Variants in CCDC141 observed in about 807,000 individuals in gnomAD.
CCDC141 encodes the protein coiled-coil domain-containing protein 141.
CCDC141 carries 168 observed loss-of-function variants against 181.0 expected under a neutral mutation model. That is an observed-to-expected ratio of 0.93 (90% confidence interval 0.82 to 1.05). The LOEUF is 1.05. Among genes scored for constraint, CCDC141 ranks in the 50% least tolerant of loss-of-function variants. CCDC141 has a pLI of 0.00. For missense variants in CCDC141, 1,902 were observed against 1,788.5 expected (o/e 1.06, Z -1.14); for synonymous variants, 666 against 642.3 (o/e 1.04, Z -0.56).
chr2:178,928,762 T>C (rs10204089), intron 6 of CCDC141, among the ~76,000 whole-genome samples: 106,887 of 152,022 alleles, frequency 0.7, 38,031 homozygotes, highest in East Asian at 0.93. Context: ...AAAAACATTT[T>C]GGAGGGACTT....
chr2:178,853,731 A>T, intron 19 of CCDC141, 107 bp from the exon 20 acceptor site: 1 of 895,152 alleles, frequency 1.1e-6, no homozygotes, highest in Non-Finnish European at 1.7e-6. Flanking sequence ...CTTAATGTTC[A>T]CATTGGCTTG....
intron 2 of CCDC141, among the ~76,000 whole-genome samples, chr2:178,998,617 T>C (rs1692392852): frequency 6.6e-6 from 1 of 152,106 alleles, no homozygotes; most frequent in African/African-American, 2.4e-5. Context: ...TTTATTTAAT[T>C]ATCTCTTCAT....
At chr2:178,982,716 G>C (rs1020509595) in intron 2 of CCDC141, among the ~76,000 whole-genome samples, 5 of 152,188 alleles carry the variant, frequency 3.3e-5, no homozygotes, top group Non-Finnish European at 7.3e-5. Flanking sequence ...ACGGCACCTG[G>C]AGAATCGGGT....
At chr2:179,007,985 C>A (rs2042161845) in intron 2 of CCDC141, among the ~76,000 whole-genome samples, 1 of 152,138 alleles carries the variant, frequency 6.6e-6, no homozygotes, top group Non-Finnish European at 1.5e-5. Context: ...CTCATAAAAT[C>A]TCAGGGTAAC....
At chr2:178,938,464 G>A (rs149117641) in intron 6 of CCDC141, among the ~76,000 whole-genome samples, 11 of 152,068 alleles carry the variant, frequency 7.2e-5, no homozygotes, top group Middle Eastern at 3.4e-3. Flanking sequence ...GAGTGTGTTT[G>A]GTATGATTTC....
chr2:178,980,291 T>TA (rs1264583928), intron 2 of CCDC141, among the ~76,000 whole-genome samples: 1 of 151,660 alleles, frequency 6.6e-6, no homozygotes, highest in African/African-American at 2.4e-5. Flanking sequence ...CTACTACAAA[T>TA]CCAAAAAAAT....
At chr2:179,020,313 A>T (rs2042658969) in intron 2 of CCDC141, among the ~76,000 whole-genome samples, 1 of 152,138 alleles carries the variant, frequency 6.6e-6, no homozygotes, top group South Asian at 2.1e-4. Flanking sequence ...CCAGTGTGCC[A>T]GAGTGCTACT....
chr2:178,922,922 T>A (rs1339569572), intron 6 of CCDC141, among the ~76,000 whole-genome samples: 1 of 152,194 alleles, frequency 6.6e-6, no homozygotes, highest in Non-Finnish European at 1.5e-5. Flanking sequence ...TCACATGAAC[T>A]CTGTGGGTAT....
intron 2 of CCDC141, among the ~76,000 whole-genome samples, chr2:179,032,060 C>A (rs2007326): frequency 0.49 from 73,685 of 151,834 alleles, 20,936 homozygotes; most frequent in Non-Finnish European, 0.64. Flanking sequence ...TGCTCTCTCA[C>A]CTTCTCTGTC....
intron 8 of CCDC141, among the ~76,000 whole-genome samples, chr2:178,904,195 A>C (rs1053820263): frequency 1.3e-5 from 2 of 152,224 alleles, no homozygotes; most frequent in African/African-American, 4.8e-5. Context: ...AAAGAAACTT[A>C]GTAAAAAACG....
At chr2:178,850,928 C>T (rs943598965) in intron 20 of CCDC141, among the ~76,000 whole-genome samples, 17 of 152,080 alleles carry the variant, frequency 1.1e-4, no homozygotes, top group Admixed American at 7.9e-4. Context: ...CTTCTTGCCT[C>T]GGCATAGTGT....
chr2:178,869,077 TA>T, intron 15 of CCDC141, 39 bp downstream of exon 15: 1 of 1,415,522 alleles, frequency 7.1e-7, no homozygotes, highest in South Asian at 1.7e-5. Flanking sequence ...TTGCATAGTT[TA>T]AAACTCAGGA....
At chr2:178,946,334 T>C (rs1044221519) in intron 5 of CCDC141, among the ~76,000 whole-genome samples, 2 of 152,208 alleles carry the variant, frequency 1.3e-5, no homozygotes, top group African/African-American at 4.8e-5. Context: ...TAAAATTTAT[T>C]ATTTTATTTT....
chr2:178,923,218 C>G (rs1400483641), intron 6 of CCDC141, among the ~76,000 whole-genome samples: 1 of 150,390 alleles, frequency 6.6e-6, no homozygotes, highest in Non-Finnish European at 1.5e-5. Context: ...CATTCTCCTG[C>G]CTCAGCCTCC....
intron 2 of CCDC141, among the ~76,000 whole-genome samples, chr2:178,994,748 C>T (rs139158136): frequency 6.4e-4 from 98 of 152,310 alleles, no homozygotes; most frequent in Middle Eastern, 6.8e-3. Flanking sequence ...CCTTTAACAG[C>T]ACCCAGTCAC....
Position 178,888,513 on chromosome 2 carries a change from G to A in CCDC141, c.1407+14C>T, listed in dbSNP as rs1392240773. ...CACCAACTTAGATATTTAAGTTTTA[G>A]TTTACGAAACTACCTTCCGTAGGTA... On this transcript the variant is annotated intron_variant, in intron 9 of 23. Transcript: ENST00000443758. The A allele has an allele frequency of 2.6e-6, 4 of 1,549,276 alleles. No individual in the cohort carries two copies. The highest frequency in any genetic ancestry group is 2.7e-5 in the African/African-American group (2 of 73,074).
chr2:178,899,067 C>T (rs1379215458), intron 8 of CCDC141, among the ~76,000 whole-genome samples: 1 of 152,120 alleles, frequency 6.6e-6, no homozygotes. Context: ...TATAACATTT[C>T]AATCAACAAT....
At chr2:179,018,063 T>C (rs2042592604) in intron 2 of CCDC141, among the ~76,000 whole-genome samples, 1 of 152,158 alleles carries the variant, frequency 6.6e-6, no homozygotes, top group Non-Finnish European at 1.5e-5. Flanking sequence ...TCCAAAAGGA[T>C]AGGAAACCAA....
intron 2 of CCDC141, among the ~76,000 whole-genome samples, chr2:179,016,643 A>C (rs2042551611): frequency 6.6e-6 from 1 of 152,154 alleles, no homozygotes; most frequent in Non-Finnish European, 1.5e-5. Flanking sequence ...TGAACTGATA[A>C]GTGGTAGGAA....
Sources: gnomAD v4.1 joint callset for allele counts (sites outside exome capture counted in the v4.1 genomes callset) on GRCh38, gnomAD v4.1.1 for gene constraint, MANE v1.5 for transcripts, NCBI Gene and HGNC (gene_info 2026-07-23, HGNC 2026-07-21) for gene names.